Variants in ZNF652 observed in about 807,000 individuals in gnomAD.
The protein encoded by ZNF652 is zinc finger protein 652.
Under a neutral mutation model 45.2 loss-of-function variants are expected in ZNF652, and 16 were observed. That is an observed-to-expected ratio of 0.35 (90% CI 0.24 to 0.54). ZNF652 has a LOEUF of 0.54. ZNF652 is among the 20% of genes least tolerant of loss of function. The pLI is 0.91. For synonymous variants in ZNF652, 250 were observed against 260.6 expected, an observed-to-expected ratio of 0.96 and a Z score of 0.39; for missense variants, 614 against 765.6, an observed-to-expected ratio of 0.80 and a Z score of 2.34.
intron 1 of ZNF652, among the ~76,000 whole-genome samples, chr17:49,343,412 G>A (rs2070169812): frequency 6.6e-6 from 1 of 152,150 alleles, no homozygotes; most frequent in Non-Finnish European, 1.5e-5. Flanking sequence ...GCACTGGAAT[G>A]TCTAAAAAAT....
intron 5 of ZNF652, among the ~76,000 whole-genome samples, chr17:49,308,689 C>A (rs778993212): frequency 3.6e-4 from 54 of 151,926 alleles, no homozygotes; most frequent in African/African-American, 8.0e-4. Flanking sequence ...GTAGTCCCAA[C>A]TACTTGGGAG....
chr17:49,330,482 G>A (rs1274187602), intron 1 of ZNF652, among the ~76,000 whole-genome samples: 1 of 151,642 alleles, frequency 6.6e-6, no homozygotes, highest in Non-Finnish European at 1.5e-5. Context: ...TTTTTAGCAT[G>A]ACTAATTTTT....
chr17:49,333,456 TC>T (rs2070046279), intron 1 of ZNF652, among the ~76,000 whole-genome samples: 1 of 143,954 alleles, frequency 6.9e-6, no homozygotes, highest in South Asian at 2.2e-4. Context: ...ACACCTGTAA[TC>T]CCAGCACTTT....
At chr17:49,360,802 C>T (rs2070384388) in intron 1 of ZNF652, among the ~76,000 whole-genome samples, 2 of 152,146 alleles carry the variant, frequency 1.3e-5, no homozygotes, top group Non-Finnish European at 2.9e-5. Context: ...ATACATTATG[C>T]CTTGATCATA....
intron 3 of ZNF652, 117 bp from the exon 4 acceptor site, chr17:49,312,159 CTTTT>C (rs34553823): frequency 0.012 from 1,692 of 138,386 alleles, no homozygotes; most frequent in South Asian, 0.025. Context: ...ATTTGTGAGG[CTTTT>C]TTTTTTTTTT....
intron 1 of ZNF652, among the ~76,000 whole-genome samples, chr17:49,342,148 T>G (rs538682699): frequency 1.3e-5 from 2 of 150,912 alleles, no homozygotes; most frequent in Non-Finnish European, 2.9e-5. Flanking sequence ...ATTGCGCCAC[T>G]GCACTCCAGC....
chr17:49,308,315 C>A (rs892688120), intron 5 of ZNF652, among the ~76,000 whole-genome samples: 3 of 151,846 alleles, frequency 2.0e-5, no homozygotes, highest in Non-Finnish European at 2.9e-5. Context: ...GTAGCTGGGA[C>A]CACAAGCACA....
chr17:49,309,510 A>G (rs1019421034), intron 5 of ZNF652, among the ~76,000 whole-genome samples: 6 of 141,488 alleles, frequency 4.2e-5, no homozygotes, highest in Admixed American at 2.8e-4. Context: ...TCCATCTCGG[A>G]AAAAAAAAAA....
At chr17:49,351,436 A>T (rs2070281967) in intron 1 of ZNF652, among the ~76,000 whole-genome samples, 1 of 152,178 alleles carries the variant, frequency 6.6e-6, no homozygotes, top group African/African-American at 2.4e-5. Context: ...AAATAATGGT[A>T]CATACAGACA....
chr17:49,315,337 G>A (rs1447942549), intron 2 of ZNF652, among the ~76,000 whole-genome samples: 2 of 151,998 alleles, frequency 1.3e-5, no homozygotes, highest in Admixed American at 6.6e-5. Flanking sequence ...CACTGCGCCC[G>A]GTCTGGGTTT....
chr17:49,304,450 A>G (rs1014511053), intron 5 of ZNF652, among the ~76,000 whole-genome samples: 5 of 152,274 alleles, frequency 3.3e-5, no homozygotes, highest in Non-Finnish European at 7.4e-5. Flanking sequence ...AATGGTTGAT[A>G]TTAAGGTTTC....
At chr17:49,302,567 C>A (rs1434819478) in intron 5 of ZNF652, among the ~76,000 whole-genome samples, 1 of 151,748 alleles carries the variant, frequency 6.6e-6, no homozygotes, top group South Asian at 2.1e-4. Context: ...GGATTACAGG[C>A]ATGAGCCACT....
In ZNF652 at chr17:49,317,195, T is replaced by C. The variant is rs766019269; in HGVS notation, c.531A>G (p.Lys177=). The part of the protein sequence containing the change: ...NDYGENEKQK[K]KEKIVEKVSV... Reference sequence around the variant, plus strand: ...TGACTTTCTCTACTATCTTCTCCTTTTTCTTCTGCTTTTCATTCTCTCCAT... The same window carrying C: ...TGACTTTCTCTACTATCTTCTCCTTCTTCTTCTGCTTTTCATTCTCTCCAT... Residue 177 remains lysine (K), a synonymous_variant, in exon 2 of 6, where the codon AAA becomes AAG. Coordinates refer to ENST00000430262, the MANE Select transcript of ZNF652 (RefSeq NM_001145365.3). 11 of 1,613,644 alleles carry C rather than the reference T, an allele frequency of 6.8e-6. No homozygotes were observed. Among genetic ancestry groups the C allele is most frequent in the Non-Finnish European group, 9.3e-6 (11 of 1,180,020 alleles).
intron 1 of ZNF652, among the ~76,000 whole-genome samples, chr17:49,338,611 A>T (rs1468688224): frequency 6.6e-6 from 1 of 152,230 alleles, no homozygotes; most frequent in Non-Finnish European, 1.5e-5. Context: ...TAATGCATAC[A>T]GTCATGTTTG....
chr17:49,350,016 A>G (rs986549202), intron 1 of ZNF652, among the ~76,000 whole-genome samples: 6 of 152,238 alleles, frequency 3.9e-5, no homozygotes, highest in Admixed American at 3.9e-4. Flanking sequence ...ATAGAGTTTT[A>G]AAGCTTAGGA....
chr17:49,355,251 G>C (rs542320155), intron 1 of ZNF652, among the ~76,000 whole-genome samples: 2 of 151,948 alleles, frequency 1.3e-5, no homozygotes, highest in African/African-American at 4.8e-5. Context: ...ATTAATTCAC[G>C]AGGGATTGTG....
chr17:49,300,878 C>T (rs769449351), intron 5 of ZNF652, among the ~76,000 whole-genome samples: 16 of 152,136 alleles, frequency 1.1e-4, no homozygotes, highest in Non-Finnish European at 2.1e-4. Flanking sequence ...CCTTATTTTA[C>T]TCATAATGGA....
At chr17:49,324,173 C>A (rs908471779) in intron 1 of ZNF652, among the ~76,000 whole-genome samples, 1 of 152,206 alleles carries the variant, frequency 6.6e-6, no homozygotes, top group African/African-American at 2.4e-5. Context: ...TGCACTTTTA[C>A]GTTATGGAGA....
At chr17:49,289,093 A>T (rs1177771466), downstream of ZNF652, 1 of 152,216 alleles carries the variant, frequency 6.6e-6, no homozygotes, top group East Asian at 1.9e-4. Flanking sequence ...TAACAGCAGA[A>T]GAGGACTGCA....
Sources: allele counts gnomAD v4.1 joint callset (sites outside exome capture counted in the v4.1 genomes callset), GRCh38; gene constraint gnomAD v4.1.1; transcripts MANE v1.5; gene names NCBI Gene and HGNC (gene_info 2026-07-23, HGNC 2026-07-21).